MGAM: variants seen among roughly 807,000 people sequenced by gnomAD.
The protein encoded by MGAM is alpha-1,4-glucosidase.
In MGAM, 253 loss-of-function variants were observed where a neutral mutation model predicts 358.8. That is an observed-to-expected ratio of 0.71 (90% CI 0.64 to 0.78). The LOEUF is 0.78. Among genes scored for constraint, MGAM ranks in the 30% least tolerant of loss-of-function variants. The pLI is 0.00. For missense variants in MGAM, 3,080 were observed against 3,432.6 expected (o/e 0.90, Z 2.57); for synonymous variants, 1,105 against 1,227.1 (o/e 0.90, Z 2.08).
chr7:141,994,124 C>T (rs1804065921), upstream of MGAM, among the ~76,000 whole-genome samples: 1 of 152,178 alleles, frequency 6.6e-6, no homozygotes, highest in African/African-American at 2.4e-5. Context: ...GATCTGTCCA[C>T]CTCAGCCTCC....
chr7:142,007,315 A>G (rs1458486361), intron 2 of MGAM, among the ~76,000 whole-genome samples: 2 of 152,042 alleles, frequency 1.3e-5, no homozygotes, highest in African/African-American at 2.4e-5. Context: ...GAATTTTTAT[A>G]TCCTCAAAAG....
chr7:141,994,404 G>A (rs1804086746), upstream of MGAM, among the ~76,000 whole-genome samples: 1 of 152,156 alleles, frequency 6.6e-6, no homozygotes, highest in African/African-American at 2.4e-5. Context: ...ATGGGGCTGG[G>A]GAACTTGTAT....
At chr7:142,063,365 T>G (rs1262639801) in intron 35 of MGAM, 134 bp from the exon 36 acceptor site, 2 of 1,050,872 alleles carry the variant, frequency 1.9e-6, no homozygotes, top group African/African-American at 3.2e-5. Flanking sequence ...CACCAGGATT[T>G]GATGAAGCTC....
At chr7:141,999,827 A>G (rs1017526148) in intron 1 of MGAM, among the ~76,000 whole-genome samples, 3 of 152,030 alleles carry the variant, frequency 2.0e-5, no homozygotes, top group Non-Finnish European at 2.9e-5. Context: ...CTTCAATTGC[A>G]TTTCTAATTG....
intron 3 of MGAM, 141 bp from the exon 4 acceptor site, chr7:142,019,058 G>T: frequency 9.1e-7 from 1 of 1,104,080 alleles, no homozygotes; most frequent in Non-Finnish European, 1.3e-6. Context: ...TTGGTATATG[G>T]CACAATTTAT....
chr7:142,012,435 T>TAATCACCTCTTAAAGGCCC (rs1471676645), intron 3 of MGAM, among the ~76,000 whole-genome samples: 1 of 152,104 alleles, frequency 6.6e-6, no homozygotes, highest in Non-Finnish European at 1.5e-5. Context: ...CTTCATGGCC[T>TAATCACCTCTTAAAGGCCC]AATCACCTCT....
At chr7:142,077,788 T>C (rs1813860597) in intron 47 of MGAM, among the ~76,000 whole-genome samples, 1 of 145,632 alleles carries the variant, frequency 6.9e-6, no homozygotes, top group South Asian at 2.2e-4. Context: ...TCATTAAAAT[T>C]AAAAATTAAA....
In MGAM at chr7:142,058,279, C is replaced by T; in HGVS notation, c.3770C>T (p.Ser1257Phe). ...QLCRYGYQND[S>F]EIASLYDEMV... ...TGTCGCTATGGCTACCAGAATGACT[C>T]TGAGATCGCCAGCTTGTATGATGAG... Residue 1257 changes from serine to phenylalanine, a missense_variant, in exon 31 of 71, where the codon TCT becomes TTT. Coordinates refer to ENST00000475668, the MANE Select transcript of MGAM (RefSeq NM_001365693.1). 6.2e-7 allele frequency: 1 copy of T among 1,613,900 alleles called. No individual in the cohort carries two copies. The highest frequency in any genetic ancestry group is 8.5e-7 in the Non-Finnish European group (1 of 1,179,852).
intron 66 of MGAM, among the ~76,000 whole-genome samples, chr7:142,097,852 G>A (rs768500781): frequency 2.4e-4 from 36 of 150,424 alleles, no homozygotes; most frequent in Non-Finnish European, 4.1e-4. Flanking sequence ...GTTGTGAAAT[G>A]ACACATAAAG....
At chr7:142,048,115 T>TTTTATTTATTTA (rs58194410) in intron 22 of MGAM, among the ~76,000 whole-genome samples, 16 of 102,524 alleles carry the variant, frequency 1.6e-4, no homozygotes, top group African/African-American at 3.9e-4. Context: ...ATAATAGGCT[T>TTTTATTTATTTA]TTTATTTATT....
chr7:141,996,192 C>T (rs1002490109), intron 1 of MGAM, among the ~76,000 whole-genome samples: 5 of 150,996 alleles, frequency 3.3e-5, no homozygotes, highest in Admixed American at 6.6e-5. Context: ...CCCAGCTACT[C>T]GGAGAGGCTA....
chr7:142,050,981 T>G, intron 24 of MGAM, 117 bp downstream of exon 24: 3 of 1,383,554 alleles, frequency 2.2e-6, no homozygotes, highest in East Asian at 2.3e-5. Flanking sequence ...AGGCCTGTTT[T>G]GGGGAAGTGA....
intron 3 of MGAM, among the ~76,000 whole-genome samples, chr7:142,011,683 C>T (rs1206877044): frequency 6.6e-6 from 1 of 152,138 alleles, no homozygotes; most frequent in Non-Finnish European, 1.5e-5. Flanking sequence ...TAAACATACT[C>T]ATTAAACGTT....
rs1449864647 is a variant in MGAM, at chr7:142,088,664, A to G, written c.6810+1947A>G. 7.6e-5 allele frequency among the ~76,000 whole-genome samples: 9 copies of G among 118,052 alleles called. 2 individuals are homozygous for G. The highest frequency in any genetic ancestry group is 2.6e-4 in the East Asian group (1 of 3,790). The allele number at this position is 118,052 out of a possible 152,430, so 77.4% of individuals were successfully genotyped here. On this transcript the variant is annotated intron_variant, in intron 57 of 70. Coordinates refer to ENST00000475668, the MANE Select transcript of MGAM (RefSeq NM_001365693.1). ...TATCTTTCTATCTGTCTGTCTATCT[A>G]TCTATCTATCTATCTATCTATCTAT...
intron 21 of MGAM, among the ~76,000 whole-genome samples, chr7:142,042,782 TATA>T (rs1809170294): frequency 1.3e-5 from 1 of 78,422 alleles, no homozygotes; most frequent in South Asian, 4.6e-4. Flanking sequence ...TATATCTAAA[TATA>T]ATATATATAC....
intron 3 of MGAM, among the ~76,000 whole-genome samples, chr7:142,011,398 G>A (rs1554454303): frequency 2.0e-5 from 3 of 151,972 alleles, no homozygotes; most frequent in Non-Finnish European, 4.4e-5. Flanking sequence ...ATTACTCTGT[G>A]TTTACACAAC....
At chr7:141,997,798 A>G (rs1554449225) in intron 1 of MGAM, among the ~76,000 whole-genome samples, 2 of 152,330 alleles carry the variant, frequency 1.3e-5, no homozygotes, top group South Asian at 2.1e-4. Flanking sequence ...AAAGCCATTC[A>G]TTAGCTACCT....
rs546023314 is a variant in MGAM at position 142,076,643 on chromosome 7, G to C, written c.5326-16G>C. On this transcript the variant is annotated splice_polypyrimidine_tract_variant and intron_variant, in intron 46 of 70. Transcript: ENST00000475668. ...AGGCATACCTTTATGCATAATTGGA[G>C]TTAATTGTTTTGCAGAACCACTTGG... 3.9e-5 allele frequency: 59 copies of C among 1,514,318 alleles called. 11 individuals carry two copies. The highest frequency in any genetic ancestry group is 4.8e-5 in the Non-Finnish European group (53 of 1,099,110). The allele number at this position is 1,514,318 out of a possible 1,614,324, so 93.8% of individuals were successfully genotyped here. A position where few individuals can be genotyped will look rare whatever the true frequency, so the allele number is the denominator to read the frequency against.
chr7:142,031,624 T>G (rs1807500603), intron 12 of MGAM, 56 bp from the exon 13 acceptor site: 2 of 1,226,362 alleles, frequency 1.6e-6, no homozygotes, highest in African/African-American at 3.0e-5. Flanking sequence ...AGTACTTTCC[T>G]TTAGTCTATA....
Sources: gnomAD v4.1 joint callset for allele counts (sites outside exome capture counted in the v4.1 genomes callset) on GRCh38, gnomAD v4.1.1 for gene constraint, MANE v1.5 for transcripts, NCBI Gene and HGNC (gene_info 2026-07-23, HGNC 2026-07-21) for gene names.